MAML2: variants seen among roughly 807,000 people sequenced by gnomAD.
MAML2 encodes the protein mastermind-like protein 2.
Under a neutral mutation model 96.1 loss-of-function variants are expected in MAML2, and 22 were observed. The ratio of observed to expected loss-of-function variants is 0.23; its 90% CI spans 0.16 to 0.33. The LOEUF is 0.33. Ranked by LOEUF, MAML2 falls within the 10% of genes least tolerant of loss-of-function variation. The probability of loss-of-function intolerance (pLI) is 1.00; values close to 1 mark genes in which losing one functional copy is unlikely to be tolerated. For missense variants in MAML2, 1,367 were observed against 1,392.4 expected (o/e 0.98, Z 0.29); for synonymous variants, 561 against 521.3 (o/e 1.08, Z -1.04).
intron 1 of MAML2, among the ~76,000 whole-genome samples, chr11:96,141,667 T>C (rs964754130): frequency 1.3e-5 from 2 of 152,150 alleles, no homozygotes; most frequent in Non-Finnish European, 2.9e-5. Context: ...TTGCCTTCCT[T>C]CTCCACACAT....
chr11:95,980,084 A>G, intron 4 of MAML2, 121 bp from the exon 5 acceptor site: 1 of 729,556 alleles, frequency 1.4e-6, no homozygotes, highest in Non-Finnish European at 2.2e-6. Flanking sequence ...TAGGCGAAAT[A>G]ATGATCAAAT....
intron 1 of MAML2, among the ~76,000 whole-genome samples, chr11:96,207,433 T>C (rs1016019191): frequency 6.6e-6 from 1 of 152,216 alleles, no homozygotes; most frequent in Non-Finnish European, 1.5e-5. Flanking sequence ...TATAAACAAA[T>C]TGCAGCCAGC....
chr11:96,082,424 G>A (rs1463835712), intron 2 of MAML2, among the ~76,000 whole-genome samples: 7 of 152,146 alleles, frequency 4.6e-5, no homozygotes, highest in Non-Finnish European at 1.0e-4. Flanking sequence ...TAGCAACATG[G>A]ACACTCAGGG....
intron 2 of MAML2, among the ~76,000 whole-genome samples, chr11:95,994,236 T>C (rs963886825): frequency 8.5e-5 from 13 of 152,182 alleles, no homozygotes; most frequent in Non-Finnish European, 1.5e-4. Context: ...GGAGATCCTC[T>C]TCACTAGTTA....
intron 2 of MAML2, among the ~76,000 whole-genome samples, chr11:96,042,905 C>T (rs771247216): frequency 5.9e-5 from 9 of 152,114 alleles, no homozygotes; most frequent in East Asian, 1.9e-4. Flanking sequence ...CCACCACACC[C>T]GGCTAATTTT....
chr11:96,113,143 T>G (rs556190994), intron 1 of MAML2, among the ~76,000 whole-genome samples: 1 of 139,488 alleles, frequency 7.2e-6, no homozygotes, highest in African/African-American at 2.7e-5. Flanking sequence ...AGGAGGAAAA[T>G]AGAACCCAAT....
intron 2 of MAML2, among the ~76,000 whole-genome samples, chr11:96,050,828 G>A (rs1287940052): frequency 6.6e-6 from 1 of 152,170 alleles, no homozygotes; most frequent in Non-Finnish European, 1.5e-5. Flanking sequence ...TTAAGTAAAG[G>A]CAATTCCTTC....
chr11:96,339,561 C>T (rs146548836), intron 1 of MAML2, among the ~76,000 whole-genome samples: 27 of 152,302 alleles, frequency 1.8e-4, no homozygotes, highest in Middle Eastern at 3.4e-3. Context: ...CTTGACACCC[C>T]GGGCAGAGAT....
chr11:96,240,828 A>G (rs1376986093), intron 1 of MAML2, among the ~76,000 whole-genome samples: 1 of 152,180 alleles, frequency 6.6e-6, no homozygotes, highest in East Asian at 1.9e-4. Flanking sequence ...ATAACTATAA[A>G]TTTCATTTCA....
intron 2 of MAML2, among the ~76,000 whole-genome samples, chr11:95,994,160 C>T (rs2135712105): frequency 6.6e-6 from 1 of 152,252 alleles, no homozygotes; most frequent in East Asian, 1.9e-4. Flanking sequence ...GGGTTGAGCA[C>T]CCTCAGGTCA....
chr11:96,086,080 G>C (rs115535355), intron 2 of MAML2, among the ~76,000 whole-genome samples: 2,475 of 152,278 alleles, frequency 0.016, 71 homozygotes, highest in African/African-American at 0.055. Flanking sequence ...TTGAGAAAAC[G>C]TAATGTAATT....
intron 2 of MAML2, among the ~76,000 whole-genome samples, chr11:96,024,150 G>C (rs568247125): frequency 6.6e-6 from 1 of 152,328 alleles, no homozygotes; most frequent in Admixed American, 6.5e-5. Context: ...TTTTTTAATA[G>C]ATGATTAAAA....
chr11:96,166,541 T>C (rs755824942), intron 1 of MAML2, among the ~76,000 whole-genome samples: 3 of 152,170 alleles, frequency 2.0e-5, no homozygotes, highest in Admixed American at 6.5e-5. Context: ...ATTGCTGATG[T>C]TTGAAGTTTC....
intron 1 of MAML2, among the ~76,000 whole-genome samples, chr11:96,114,870 A>C (rs1860207252): frequency 2.0e-5 from 3 of 152,222 alleles, no homozygotes; most frequent in African/African-American, 7.2e-5. Flanking sequence ...TAGGCAAAGA[A>C]ATAAACAGGA....
intron 2 of MAML2, among the ~76,000 whole-genome samples, chr11:96,014,250 T>G (rs539446292): frequency 1.3e-5 from 2 of 152,326 alleles, no homozygotes; most frequent in African/African-American, 4.8e-5. Context: ...TTCTTTAAAC[T>G]GAGTATATTC....
At position 96,092,644 on chromosome 11, in the gene MAML2, C is replaced by G; in HGVS notation, c.1387G>C (p.Ala463Pro). The G allele has an allele frequency of 6.2e-7, 1 of 1,613,734 alleles. No individual in the cohort carries two copies. Among genetic ancestry groups the G allele is most frequent in the Non-Finnish European group, 8.5e-7 (1 of 1,179,830 alleles). Residue 463 changes from alanine to proline, a missense_variant, in exon 2 of 5, where the codon GCC (alanine) becomes CCC (proline). By Grantham distance (27) the Ala-to-Pro change is conservative (BLOSUM62 -1). Transcript: ENST00000524717. The surrounding 1 kb of genome is among the most constrained non-coding windows in gnomAD (Gnocchi z 4.1). ...GATGGTCCAGCAGAAGAGGGCAAGG[C>G]TGACCAGTTGGTAGGCTGGTGCTGC... ...QQQHQPTNWS[A>P]LPSSAGPSPG...
At chr11:95,984,542 C>T (rs1857796048) in intron 4 of MAML2, among the ~76,000 whole-genome samples, 1 of 152,208 alleles carries the variant, frequency 6.6e-6, no homozygotes, top group Non-Finnish European at 1.5e-5. Flanking sequence ...CCCACCTCTG[C>T]CTCCAGAATA....
At chr11:96,173,745 G>A (rs1243553143) in intron 1 of MAML2, among the ~76,000 whole-genome samples, 2 of 152,196 alleles carry the variant, frequency 1.3e-5, no homozygotes, top group South Asian at 2.1e-4. Context: ...GGACTTCTTT[G>A]TCTTCGTTTC....
At chr11:96,101,399 T>C (rs1859928345) in intron 1 of MAML2, among the ~76,000 whole-genome samples, 1 of 152,172 alleles carries the variant, frequency 6.6e-6, no homozygotes, top group African/African-American at 2.4e-5. Flanking sequence ...AAAATAGTCA[T>C]TGAGGAGAAA....
Sources: gnomAD v4.1 joint callset for allele counts (sites outside exome capture counted in the v4.1 genomes callset) on GRCh38, gnomAD v4.1.1 for gene constraint, Gnocchi (gnomAD v3.1) non-coding constraint, MANE v1.5 for transcripts, NCBI Gene and HGNC (gene_info 2026-07-23, HGNC 2026-07-21) for gene names.